The following ZNF652 variants were observed in gnomAD, a reference collection of about 807,000 sequenced individuals.
ZNF652 encodes zinc finger protein 652.
A neutral mutation model predicts 45.2 loss-of-function variants in ZNF652; 16 were observed. That is an observed-to-expected ratio of 0.35 (90% confidence interval 0.24 to 0.54). The LOEUF is 0.54. ZNF652 is among the 20% of genes least tolerant of loss of function. ZNF652 has a pLI of 0.91. For synonymous variants in ZNF652, 250 were observed against 260.6 expected (o/e 0.96, Z 0.39); for missense variants, 614 against 765.6 (o/e 0.80, Z 2.34).
intron 1 of ZNF652, among the ~76,000 whole-genome samples, chr17:49,347,823 G>C (rs2070223073): frequency 7.3e-6 from 1 of 136,662 alleles, no homozygotes. Flanking sequence ...CAGCTCACTA[G>C]AGCCTCAACC....
At chr17:49,288,446 AGAAG>A (rs2069363180), downstream of ZNF652, 1 of 152,186 alleles carries the variant, frequency 6.6e-6, no homozygotes, top group Admixed American at 6.5e-5. Flanking sequence ...TGGAATCCTT[AGAAG>A]GAACAAAATC....
chr17:49,290,206 C>T lies in ZNF652; in HGVS notation c.*8207G>A, dbSNP rs909745525. ...GCAGAAATCAGTTAAGAAGGCCATT[C>T]CAGGTGTAAATGCCTCCCGGCTCTA... On this transcript the variant is annotated 3_prime_UTR_variant, in exon 6 of 6. Transcript: ENST00000430262. 4 of 152,242 alleles carry T rather than the reference C, an allele frequency of 2.6e-5. No homozygotes were observed. Among genetic ancestry groups the T allele is most frequent in the African/African-American group, 7.2e-5 (3 of 41,442 alleles). 9.4% of individuals were successfully genotyped at this position (152,242 alleles called of 1,614,324 possible). A position where few individuals can be genotyped will look rare whatever the true frequency, so the allele number is the denominator to read the frequency against.
intron 1 of ZNF652, among the ~76,000 whole-genome samples, chr17:49,324,526 G>T (rs2069935311): frequency 6.6e-6 from 1 of 151,396 alleles, no homozygotes; most frequent in African/African-American, 2.4e-5. Flanking sequence ...AAGTAGCTGG[G>T]ATTACAGGTG....
In ZNF652 at chr17:49,360,063, C is replaced by A. The variant is rs188991298; in HGVS notation, c.-259+1846G>T. Among the ~76,000 whole-genome samples, 241 of 152,288 alleles carry A rather than the reference C, an allele frequency of 1.6e-3. 2 individuals are homozygous for A. Among genetic ancestry groups the A allele is most frequent in the African/African-American group, 5.5e-3 (230 of 41,556 alleles). ...ACATTACCAATTGGTCAAGTCTAAA[C>A]AAATTATTTTGACTCTAGTTTTAAC... On this transcript the variant is annotated intron_variant, in intron 1 of 5. Coordinates refer to ENST00000430262, the MANE Select transcript of ZNF652 (RefSeq NM_001145365.3).
At chr17:49,319,270 A>G (rs2069853942) in intron 1 of ZNF652, among the ~76,000 whole-genome samples, 1 of 152,138 alleles carries the variant, frequency 6.6e-6, no homozygotes, top group African/African-American at 2.4e-5. Context: ...AGGCACTATA[A>G]TAGTTTTTAT....
At chr17:49,314,581 C>A (rs1256842293) in intron 2 of ZNF652, among the ~76,000 whole-genome samples, 1 of 152,212 alleles carries the variant, frequency 6.6e-6, no homozygotes, top group African/African-American at 2.4e-5. Context: ...GTAGAAAACA[C>A]ACCACACTGC....
intron 1 of ZNF652, among the ~76,000 whole-genome samples, chr17:49,331,913 G>A (rs551833853): frequency 6.6e-6 from 1 of 152,322 alleles, no homozygotes; most frequent in South Asian, 2.1e-4. Flanking sequence ...AGCTTGCAGT[G>A]AGCTGAGATC....
intron 1 of ZNF652, among the ~76,000 whole-genome samples, chr17:49,341,532 T>C (rs1258989485): frequency 7.0e-6 from 1 of 142,278 alleles, no homozygotes; most frequent in Non-Finnish European, 1.5e-5. Flanking sequence ...GGTGTGGTGG[T>C]GCATGCCAAT....
chr17:49,351,289 G>A (rs2070280588), intron 1 of ZNF652, among the ~76,000 whole-genome samples: 1 of 151,420 alleles, frequency 6.6e-6, no homozygotes, highest in Non-Finnish European at 1.5e-5. Context: ...AACACTATGG[G>A]AATTCAGCAC....
At chr17:49,320,202 A>G (rs2069871249) in intron 1 of ZNF652, among the ~76,000 whole-genome samples, 1 of 152,166 alleles carries the variant, frequency 6.6e-6, no homozygotes, top group African/African-American at 2.4e-5. Context: ...AATTATTTCT[A>G]TCACTCCTAT....
intron 4 of ZNF652, 34 bp downstream of exon 4, chr17:49,311,893 C>T (rs2069717253): frequency 6.4e-7 from 1 of 1,567,402 alleles, no homozygotes; most frequent in Non-Finnish European, 8.8e-7. Context: ...ACACTAGCCC[C>T]TAGGCCTGGG....
At chr17:49,314,105 T>G (rs986350796) in intron 2 of ZNF652, among the ~76,000 whole-genome samples, 1 of 150,378 alleles carries the variant, frequency 6.6e-6, no homozygotes, top group Non-Finnish European at 1.5e-5. Flanking sequence ...TTCAAACACG[T>G]CCCTCGGGCA....
chr17:49,307,655 A>G (rs141063723), intron 5 of ZNF652, among the ~76,000 whole-genome samples: 35,049 of 150,992 alleles, frequency 0.23, 4,197 homozygotes, highest in South Asian at 0.32. Context: ...AGGAGGTTGA[A>G]GCAGGAGAAT....
intron 1 of ZNF652, among the ~76,000 whole-genome samples, chr17:49,327,504 T>C (rs1272143207): frequency 1.3e-5 from 2 of 151,580 alleles, no homozygotes; most frequent in African/African-American, 4.8e-5. Flanking sequence ...ATTTATGAAG[T>C]GCCTACTATG....
At chr17:49,303,320 A>C (rs963938561) in intron 5 of ZNF652, among the ~76,000 whole-genome samples, 1 of 135,868 alleles carries the variant, frequency 7.4e-6, no homozygotes, top group Admixed American at 8.7e-5. Context: ...GGCTCACTGC[A>C]ACCTCCGCCT....
chr17:49,331,395 A>G (rs2070023623), intron 1 of ZNF652, among the ~76,000 whole-genome samples: 1 of 152,168 alleles, frequency 6.6e-6, no homozygotes, highest in South Asian at 2.1e-4. Flanking sequence ...TGCTGGGATT[A>G]CAGGCGTGAG....
At chr17:49,330,169 T>C (rs2070007737) in intron 1 of ZNF652, among the ~76,000 whole-genome samples, 1 of 152,170 alleles carries the variant, frequency 6.6e-6, no homozygotes, top group Non-Finnish European at 1.5e-5. Flanking sequence ...CAAATAAAAT[T>C]CAGTGCCCTT....
intron 1 of ZNF652, among the ~76,000 whole-genome samples, chr17:49,347,926 G>C (rs2070223980): frequency 6.6e-6 from 1 of 151,600 alleles, no homozygotes; most frequent in South Asian, 2.1e-4. Context: ...TGTATTTTTT[G>C]TAGAGATGGG....
chr17:49,325,445 C>T (rs12940887), intron 1 of ZNF652, among the ~76,000 whole-genome samples: 41,722 of 152,074 alleles, frequency 0.27, 7,002 homozygotes, highest in Non-Finnish European at 0.38. Flanking sequence ...GATCATTTAT[C>T]ACAGATCACT....
Sources: allele counts gnomAD v4.1 joint callset (sites outside exome capture counted in the v4.1 genomes callset), GRCh38; gene constraint gnomAD v4.1.1; transcripts MANE v1.5; gene names NCBI Gene and HGNC (gene_info 2026-07-23, HGNC 2026-07-21).